The following GNRHR variants were observed in gnomAD, a reference collection of about 807,000 sequenced individuals.
GNRHR encodes gonadotropin releasing hormone receptor.
A neutral mutation model predicts 28.1 loss-of-function variants in GNRHR; 14 were observed. The ratio of observed to expected loss-of-function variants is 0.50; its 90% CI spans 0.33 to 0.78. The LOEUF (loss-of-function observed/expected upper bound fraction) is 0.78. GNRHR is among the 30% of genes least tolerant of loss of function. GNRHR has a pLI of 0.02. For synonymous variants in GNRHR, 141 were observed against 140.5 expected (o/e 1.00, Z -0.02); for missense variants, 366 against 382.1 (o/e 0.96, Z 0.35).
rs1398788928 is a variant in GNRHR, at chr4:67,738,918, A to C, written c.*1562T>G. ...AAGGTAGGATATGAAAAAAACAACAACACAACACTATAAAACTGAAGTATG... is the reference window on the plus strand; with the variant it reads ...AAGGTAGGATATGAAAAAAACAACACCACAACACTATAAAACTGAAGTATG... On this transcript the variant is annotated 3_prime_UTR_variant, in exon 3 of 3. Transcript: ENST00000226413. 6.6e-6 allele frequency among the ~76,000 whole-genome samples: 1 copy of C among 151,968 alleles called. No homozygotes were observed. The highest frequency in any genetic ancestry group is 1.5e-5 in the Non-Finnish European group (1 of 67,868).
intron 2 of GNRHR, 120 bp downstream of exon 2, chr4:67,744,448 A>G: frequency 1.4e-6 from 1 of 700,652 alleles, no homozygotes; most frequent in Non-Finnish European, 2.6e-6. Context: ...TGAATATTAA[A>G]TGAGCTAATA....
chr4:67,743,695 C>T (rs1033495332), intron 2 of GNRHR, among the ~76,000 whole-genome samples: 1 of 152,078 alleles, frequency 6.6e-6, no homozygotes, highest in Non-Finnish European at 1.5e-5. Context: ...CTTATTTTCC[C>T]TCTACCCTTC....
At chr4:67,751,442 A>C (rs1245911181) in intron 1 of GNRHR, among the ~76,000 whole-genome samples, 1 of 152,240 alleles carries the variant, frequency 6.6e-6, no homozygotes. Flanking sequence ...AGTAAGGATG[A>C]GTCATGTGTT....
rs1039843363 is a variant in GNRHR at position 67,740,089 on chromosome 4, A to G, written c.*391T>C. 1.5e-5 allele frequency: 3 copies of G among 195,154 alleles called. No individual in the cohort carries two copies. Among genetic ancestry groups the G allele is most frequent in the East Asian group, 2.6e-4 (2 of 7,642 alleles). The allele number at this position is 195,154 out of a possible 1,614,324, so 12.1% of individuals were successfully genotyped here. A position where few individuals can be genotyped will look rare whatever the true frequency, so the allele number is the denominator to read the frequency against. Reference sequence around the variant, plus strand: ...TGCCCCTTTTGGAGAAAAACTCACCAAAGCATGCTGAGTTTAGACCTGTGT... The same window carrying G: ...TGCCCCTTTTGGAGAAAAACTCACCGAAGCATGCTGAGTTTAGACCTGTGT... On this transcript the variant is annotated 3_prime_UTR_variant, in exon 3 of 3. Coordinates refer to ENST00000226413, the MANE Select transcript of GNRHR (RefSeq NM_000406.3).
In GNRHR at chr4:67,739,072, T is replaced by C. The variant is rs1731606788; in HGVS notation, c.*1408A>G. On this transcript the variant is annotated 3_prime_UTR_variant, in exon 3 of 3. Coordinates refer to ENST00000226413, the MANE Select transcript of GNRHR (RefSeq NM_000406.3). ...TGTGGCAGTACATAGCTCATATAAATATAATGGTATCTTACCTATTTAAAA... is the reference window on the plus strand; with the variant it reads ...TGTGGCAGTACATAGCTCATATAAACATAATGGTATCTTACCTATTTAAAA... 6.6e-6 allele frequency among the ~76,000 whole-genome samples: 1 copy of C among 152,014 alleles called. No individual in the cohort carries two copies. Among genetic ancestry groups the C allele is most frequent in the African/African-American group, 2.4e-5 (1 of 41,442 alleles).
rs1731634614 is a variant in GNRHR, at chr4:67,740,362, A to C, written c.*118T>G. On this transcript the variant is annotated 3_prime_UTR_variant, in exon 3 of 3. Coordinates refer to ENST00000226413, the MANE Select transcript of GNRHR (RefSeq NM_000406.3). ...GAGTTTCTAAAAGAATGATAACTTA[A>C]GTGTAAATCCTACTTTGTTTGTATG... The C allele has an allele frequency of 1.3e-6, 1 of 778,574 alleles. No individual in the cohort carries two copies. The highest frequency in any genetic ancestry group is 1.7e-5 in the African/African-American group (1 of 58,086). 48.2% of individuals were successfully genotyped at this position (778,574 alleles called of 1,614,324 possible).
chr4:67,752,799 G>GTTTT (rs138040976), intron 1 of GNRHR, among the ~76,000 whole-genome samples: 1 of 123,248 alleles, frequency 8.1e-6, no homozygotes, highest in African/African-American at 2.8e-5. Context: ...CTGCATGGCA[G>GTTTT]TTTTTTTTTG....
intron 2 of GNRHR, 62 bp from the exon 3 acceptor site, chr4:67,740,786 CA>C: frequency 1.6e-6 from 2 of 1,246,990 alleles, no homozygotes; most frequent in Non-Finnish European, 2.4e-6. Flanking sequence ...CCAAAGTGGA[CA>C]AAAAGGAAGA....
chr4:67,741,930 C>A (rs1258554769), intron 2 of GNRHR, among the ~76,000 whole-genome samples: 7 of 152,134 alleles, frequency 4.6e-5, no homozygotes, highest in Non-Finnish European at 4.4e-5. Flanking sequence ...TGTTTGAGTT[C>A]TTTGTAGATT....
intron 2 of GNRHR, among the ~76,000 whole-genome samples, chr4:67,741,689 T>C (rs1053294959): frequency 6.6e-6 from 1 of 152,254 alleles, no homozygotes; most frequent in Admixed American, 6.5e-5. Flanking sequence ...TGTTCCCTTT[T>C]CACTGCATCC....
At chr4:67,746,635 TA>T (rs1306730138) in intron 1 of GNRHR, among the ~76,000 whole-genome samples, 1 of 152,014 alleles carries the variant, frequency 6.6e-6, no homozygotes. Flanking sequence ...TCCATTTTTT[TA>T]AAGTTTTTGA....
chr4:67,748,492 G>A (rs149233079), intron 1 of GNRHR, among the ~76,000 whole-genome samples: 106 of 151,972 alleles, frequency 7.0e-4, no homozygotes, highest in African/African-American at 2.4e-3. Context: ...TTTTCTTGAT[G>A]TGTTTTAAGC....
intron 2 of GNRHR, among the ~76,000 whole-genome samples, chr4:67,741,380 T>C (rs1460618027): frequency 6.6e-6 from 1 of 152,242 alleles, no homozygotes; most frequent in Non-Finnish European, 1.5e-5. Flanking sequence ...GCCATTATTT[T>C]GTTCCTTTTT....
At chr4:67,742,615 A>C (rs536811164) in intron 2 of GNRHR, among the ~76,000 whole-genome samples, 5 of 152,338 alleles carry the variant, frequency 3.3e-5, no homozygotes, top group African/African-American at 4.8e-5. Context: ...TAGTTCTTAA[A>C]GGTAAAAAGG....
intron 1 of GNRHR, among the ~76,000 whole-genome samples, chr4:67,746,890 T>C (rs996193557): frequency 2.6e-5 from 4 of 152,102 alleles, no homozygotes; most frequent in Non-Finnish European, 5.9e-5. Context: ...ATTCATCCAC[T>C]AGAGGGCGTC....
chr4:67,740,564 T>C lies in GNRHR; in HGVS notation c.903A>G (p.Ser301=), dbSNP rs778692615. 7 of 1,609,010 alleles carry C rather than the reference T, an allele frequency of 4.4e-6. No individual in the cohort carries two copies. In the Admixed American group the frequency reaches 6.7e-5, roughly 15 times the overall value. Residue 301 remains serine (S), a synonymous_variant, in exon 3 of 3, where the codon TCA becomes TCG. Coordinates refer to ENST00000226413, the MANE Select transcript of GNRHR (RefSeq NM_000406.3). ...GAAAGAAGAAGTGATTTACTGGGTC[T>C]GACAACCTGTTTAACATTTCAGGAT... is the stretch of plus-strand genomic sequence containing the variant. The part of the protein sequence containing the change: ...WFDPEMLNRL[S]DPVNHFFFLF...
chr4:67,743,242 G>A (rs181740700), intron 2 of GNRHR, among the ~76,000 whole-genome samples: 104 of 152,166 alleles, frequency 6.8e-4, no homozygotes, highest in Middle Eastern at 3.4e-3. Flanking sequence ...ATGAGCCACC[G>A]CACCTGGCCT....
chr4:67,750,353 T>C (rs1471630588), intron 1 of GNRHR, among the ~76,000 whole-genome samples: 1 of 152,216 alleles, frequency 6.6e-6, no homozygotes, highest in East Asian at 1.9e-4. Context: ...GCTCCACTTA[T>C]ATCTGTTTCA....
Position 67,753,872 on chromosome 4 carries a change from A to C in GNRHR, c.464T>G (p.Val155Gly), listed in dbSNP as rs1291784364. 6.2e-7 allele frequency: 1 copy of C among 1,613,950 alleles called. No individual in the cohort carries two copies. The change falls in exon 1 of 3, where the codon GTC (valine) becomes GGC (glycine). Residue 155 changes from valine to glycine, a missense_variant. Val to Gly is a moderately radical substitution (Grantham distance 109). Coordinates refer to ENST00000226413, the MANE Select transcript of GNRHR (RefSeq NM_000406.3). ...RPLALKSNSK[V>G]GQSMVGLAWI... ...GGCCAGGCCAACCATGGACTGTCCG[A>C]CTTTGCTGTTGCTTTTCAAAGCTAG...
Sources: gnomAD v4.1 joint callset for allele counts (sites outside exome capture counted in the v4.1 genomes callset) on GRCh38, gnomAD v4.1.1 for gene constraint, MANE v1.5 for transcripts, NCBI Gene and HGNC (gene_info 2026-07-23, HGNC 2026-07-21) for gene names.